Variants in LRRC4C observed in about 807,000 individuals in gnomAD.
LRRC4C encodes the protein leucine rich repeat containing 4C, also known as leucine-rich repeat-containing protein 4C.
LRRC4C carries 5 observed loss-of-function variants against 33.6 expected under a neutral mutation model. That is an observed-to-expected ratio of 0.15 (90% CI 0.08 to 0.31). The LOEUF (loss-of-function observed/expected upper bound fraction) is 0.31, where lower values mean the gene tolerates loss of function less well. Among genes scored for constraint, LRRC4C ranks in the 10% least tolerant of loss-of-function variants. The probability of loss-of-function intolerance (pLI) is 1.00; values close to 1 mark genes in which losing one functional copy is unlikely to be tolerated. For synonymous variants in LRRC4C, 329 were observed against 302.0 expected, an observed-to-expected ratio of 1.09 and a Z score of -0.93; for missense variants, 560 against 796.7, an observed-to-expected ratio of 0.70 and a Z score of 3.58.
intron 4 of LRRC4C, among the ~76,000 whole-genome samples, chr11:40,281,072 A>G (rs1023164722): frequency 6.6e-6 from 1 of 152,164 alleles, no homozygotes; most frequent in African/African-American, 2.4e-5. Context: ...AGAGAGGGTG[A>G]GAAAGAGAGG....
At chr11:40,972,920 G>T (rs1330756350) in intron 1 of LRRC4C, among the ~76,000 whole-genome samples, 3 of 152,118 alleles carry the variant, frequency 2.0e-5, no homozygotes, top group Admixed American at 6.5e-5. Context: ...GGAGGTGCCT[G>T]GTGGGAGGTA....
At chr11:40,804,006 T>C (rs1236248545) in intron 2 of LRRC4C, among the ~76,000 whole-genome samples, 2 of 152,230 alleles carry the variant, frequency 1.3e-5, no homozygotes, top group Non-Finnish European at 2.9e-5. Context: ...AAATACTTGG[T>C]CTTATTCATT....
At chr11:41,419,112 A>C (rs189159192) in intron 1 of LRRC4C, among the ~76,000 whole-genome samples, 3 of 152,030 alleles carry the variant, frequency 2.0e-5, no homozygotes, top group Non-Finnish European at 1.5e-5. Context: ...ACAAAAATTT[A>C]CAGTGTAACA....
At chr11:40,300,943 T>C (rs1396535635) in intron 4 of LRRC4C, among the ~76,000 whole-genome samples, 1 of 152,170 alleles carries the variant, frequency 6.6e-6, no homozygotes, top group Non-Finnish European at 1.5e-5. Flanking sequence ...CTAGGACAGG[T>C]GTGAGCACTG....
intron 5 of LRRC4C, among the ~76,000 whole-genome samples, chr11:40,147,633 C>A (rs1204648940): frequency 6.6e-6 from 1 of 151,180 alleles, no homozygotes. Flanking sequence ...GTAGGTTAGA[C>A]AGATAATAAA....
At chr11:41,050,416 G>C (rs895179774) in intron 1 of LRRC4C, among the ~76,000 whole-genome samples, 3 of 152,092 alleles carry the variant, frequency 2.0e-5, no homozygotes, top group Non-Finnish European at 4.4e-5. Flanking sequence ...CATGCATTAA[G>C]TATTTGTCCT....
chr11:40,229,386 C>A (rs1406857254), intron 5 of LRRC4C, among the ~76,000 whole-genome samples: 1 of 152,102 alleles, frequency 6.6e-6, no homozygotes, highest in Non-Finnish European at 1.5e-5. Context: ...AATTCTCCTG[C>A]CTCAGCCTCT....
intron 2 of LRRC4C, among the ~76,000 whole-genome samples, chr11:40,772,350 C>A (rs112078254): frequency 6.6e-6 from 1 of 152,184 alleles, no homozygotes; most frequent in African/African-American, 2.4e-5. Flanking sequence ...TTACTTCCCA[C>A]GAGGTCCCTC....
intron 1 of LRRC4C, among the ~76,000 whole-genome samples, chr11:41,266,441 T>C (rs1949154901): frequency 6.6e-6 from 1 of 152,150 alleles, no homozygotes; most frequent in Non-Finnish European, 1.5e-5. Context: ...AAACCTGACT[T>C]TCTCCATTCT....
intron 3 of LRRC4C, among the ~76,000 whole-genome samples, chr11:40,618,814 T>A (rs1962140891): frequency 6.6e-6 from 1 of 151,800 alleles, no homozygotes; most frequent in Admixed American, 6.6e-5. Context: ...ACACTTCCGG[T>A]CTTTCAAGTC....
intron 1 of LRRC4C, among the ~76,000 whole-genome samples, chr11:41,152,389 T>C (rs995451256): frequency 5.3e-5 from 8 of 152,168 alleles, no homozygotes; most frequent in Non-Finnish European, 8.8e-5. Context: ...CTTATTCTGC[T>C]TCAAGGTTAC....
At chr11:41,372,545 G>T (rs1952788736) in intron 1 of LRRC4C, among the ~76,000 whole-genome samples, 1 of 152,052 alleles carries the variant, frequency 6.6e-6, no homozygotes, top group Admixed American at 6.6e-5. Flanking sequence ...TTTGATAAGT[G>T]GGCATTTTAA....
At chr11:40,154,980 G>A (rs945820864) in intron 5 of LRRC4C, among the ~76,000 whole-genome samples, 4 of 152,008 alleles carry the variant, frequency 2.6e-5, no homozygotes, top group Non-Finnish European at 5.9e-5. Flanking sequence ...ATAAATTGAA[G>A]AAAATTGAAA....
chr11:40,819,129 T>G (rs1347724616), intron 2 of LRRC4C, among the ~76,000 whole-genome samples: 2 of 152,120 alleles, frequency 1.3e-5, no homozygotes, highest in Non-Finnish European at 2.9e-5. Context: ...TTTCAAAAGT[T>G]ATCTAATGGT....
intron 2 of LRRC4C, among the ~76,000 whole-genome samples, chr11:40,863,882 A>T (rs1052214716): frequency 1.3e-5 from 2 of 152,134 alleles, no homozygotes; most frequent in African/African-American, 4.8e-5. Flanking sequence ...TGTCACCTGT[A>T]AAGAAAATAT....
intron 3 of LRRC4C, among the ~76,000 whole-genome samples, chr11:40,357,807 T>A (rs1205895352): frequency 1.3e-5 from 2 of 152,100 alleles, no homozygotes; most frequent in Non-Finnish European, 2.9e-5. Flanking sequence ...GGTTGTAACA[T>A]CCTGGGCATG....
intron 1 of LRRC4C, among the ~76,000 whole-genome samples, chr11:41,430,785 T>G (rs1955204899): frequency 6.6e-6 from 1 of 152,068 alleles, no homozygotes; most frequent in Non-Finnish European, 1.5e-5. Flanking sequence ...TGTACCTATA[T>G]TTTTGTGTAT....
At chr11:40,617,397 T>A (rs1487058202) in intron 3 of LRRC4C, among the ~76,000 whole-genome samples, 1 of 151,706 alleles carries the variant, frequency 6.6e-6, no homozygotes, top group Non-Finnish European at 1.5e-5. Context: ...TTACTCTATT[T>A]TCCTAGTCAA....
At chr11:40,977,836 T>C (rs1852195344) in intron 1 of LRRC4C, among the ~76,000 whole-genome samples, 2 of 152,206 alleles carry the variant, frequency 1.3e-5, no homozygotes, top group Non-Finnish European at 2.9e-5. Flanking sequence ...TAACATCTTC[T>C]ACCTGCTGAC....
Sources: gnomAD v4.1 joint callset for allele counts (sites outside exome capture counted in the v4.1 genomes callset) on GRCh38, gnomAD v4.1.1 for gene constraint, MANE v1.5 for transcripts, NCBI Gene and HGNC (gene_info 2026-07-23, HGNC 2026-07-21) for gene names.